RARG: variants seen among roughly 807,000 people sequenced by gnomAD.
The protein encoded by RARG is retinoic acid receptor gamma, also known as RAR-gamma.
RARG carries 17 observed loss-of-function variants against 43.7 expected under a neutral mutation model. The observed-to-expected ratio is 0.39, with a 90% CI of 0.27 to 0.58. The LOEUF (loss-of-function observed/expected upper bound fraction) is 0.58. RARG is among the 20% of genes least tolerant of loss of function. The pLI is 0.57. For missense variants in RARG, 346 were observed against 598.7 expected (o/e 0.58, Z 4.40); for synonymous variants, 238 against 236.4 (o/e 1.01, Z -0.06).
At chr12:53,212,357 CT>C (rs1942614990) in intron 9 of RARG, among the ~76,000 whole-genome samples, 1 of 152,204 alleles carries the variant, frequency 6.6e-6, no homozygotes, top group Admixed American at 6.5e-5. Context: ...ACTACTGCAA[CT>C]GCAGAATGGA....
intron 3 of RARG, among the ~76,000 whole-genome samples, chr12:53,224,668 C>G (rs899500471): frequency 6.6e-6 from 1 of 151,800 alleles, no homozygotes; most frequent in African/African-American, 2.4e-5. Context: ...GTGCTGCATG[C>G]CCCACCCCCA....
At position 53,213,082 on chromosome 12, in the gene RARG, C is replaced by A; in HGVS notation, c.1177+3G>T. The A allele has an allele frequency of 6.2e-7, 1 of 1,609,218 alleles. No homozygotes were observed. The highest frequency in any genetic ancestry group is 1.1e-5 in the South Asian group (1 of 90,346). On this transcript the variant is annotated splice_donor_region_variant and intron_variant, in intron 9 of 9. Coordinates refer to ENST00000425354, the MANE Select transcript of RARG (RefSeq NM_000966.6). The surrounding 1 kb of genome is among the most constrained non-coding windows in gnomAD (Gnocchi z 4.7). Reference sequence around the variant, plus strand: ...AGAGAGGGGACACCCACTCATGACTCACCCTTAGTGCTGATGCCCCGGAGG... The same window carrying A: ...AGAGAGGGGACACCCACTCATGACTAACCCTTAGTGCTGATGCCCCGGAGG...
intron 9 of RARG, 86 bp downstream of exon 9, chr12:53,212,999 G>A: frequency 1.4e-6 from 2 of 1,429,504 alleles, no homozygotes; most frequent in South Asian, 1.4e-5. Flanking sequence ...CAACTACTCT[G>A]TTCTTGTCTC....
rs770232091 is a variant in RARG, at chr12:53,213,176, C to T, written c.1086G>A (p.Arg362=). The change falls in exon 9 of 10, where the codon AGG becomes AGA. Residue 362 remains arginine, a synonymous_variant. Coordinates refer to ENST00000425354, the MANE Select transcript of RARG (RefSeq NM_000966.6). This position sits in a 1 kb window ranked among gnomAD's most constrained non-coding sequence, Gnocchi z 4.7. The stretch of plus-strand genomic sequence containing the variant: ...TGGGCCGCCGGCGCCGGGCGTACAG[C>T]CTCAGGGCTTCCAGCAGTGGCTCCT... ...KLQEPLLEAL[R]LYARRRRPSQ... is the part of the protein sequence containing the mutation. 6.2e-7 allele frequency: 1 copy of T among 1,611,320 alleles called. No individual in the cohort carries two copies. Among genetic ancestry groups the T allele is most frequent in the Non-Finnish European group, 8.5e-7 (1 of 1,177,454 alleles).
chr12:53,215,606 A>AACTGGATCCCCCGTCTGCCC lies in RARG; in HGVS notation c.333+20_333+39dup, dbSNP rs2120629881. The AACTGGATCCCCCGTCTGCCC allele has an allele frequency of 6.3e-7, 1 of 1,597,054 alleles. No individual in the cohort carries two copies. Among genetic ancestry groups the AACTGGATCCCCCGTCTGCCC allele is most frequent in the East Asian group, 2.2e-5 (1 of 44,650 alleles). Reference sequence around the variant, plus strand: ...GCCTGGTCTCTCATCTTACTAGGGTAACTGGATCCCCCGTCTGCCCACTCC... The same window carrying AACTGGATCCCCCGTCTGCCC: ...GCCTGGTCTCTCATCTTACTAGGGTAACTGGATCCCCCGTCTGCCCACTGGATCCCCCGTCTGCCCACTCC... On this transcript the variant is annotated intron_variant, in intron 4 of 9. Coordinates refer to ENST00000425354, the MANE Select transcript of RARG (RefSeq NM_000966.6). The surrounding 1 kb of genome is among the most constrained non-coding windows in gnomAD (Gnocchi z 6.4).
In RARG at chr12:53,211,619, T is replaced by C; in HGVS notation, c.*57A>G. 1 of 1,334,320 alleles carries C rather than the reference T, an allele frequency of 7.5e-7. No homozygotes were observed. The allele number at this position is 1,334,320 out of a possible 1,614,324, so 82.7% of individuals were successfully genotyped here. On this transcript the variant is annotated 3_prime_UTR_variant, in exon 10 of 10. Transcript: ENST00000425354. This position sits in a 1 kb window ranked among gnomAD's most constrained non-coding sequence, Gnocchi z 4.6. ...CCCCAGTCACTGGCGGTCTGGGAGA[T>C]GGTCAGTCTGCTGCCTGAAGCCCCA...
chr12:53,224,072 G>T (rs1857568994), intron 3 of RARG, among the ~76,000 whole-genome samples: 2 of 152,096 alleles, frequency 1.3e-5, no homozygotes, highest in Admixed American at 1.3e-4. Flanking sequence ...GATACATAGG[G>T]ACACAGACAC....
Position 53,227,776 on chromosome 12 carries a change from C to T in RARG, c.-142-89G>A. The T allele has an allele frequency of 2.0e-6, 2 of 977,436 alleles. No homozygotes were observed. The highest frequency in any genetic ancestry group is 2.7e-6 in the Non-Finnish European group (2 of 746,438). The allele number at this position is 977,436 out of a possible 1,614,324, so 60.5% of individuals were successfully genotyped here. A position where few individuals can be genotyped will look rare whatever the true frequency, so the allele number is the denominator to read the frequency against. ...GACCCTCTCTCAGTTGCAGTCTTCT[C>T]CCTCTGTGCTGCTACAGTTTATCCT... On this transcript the variant is annotated intron_variant, in intron 2 of 9. Transcript: ENST00000425354. This position sits in a 1 kb window ranked among gnomAD's most constrained non-coding sequence, Gnocchi z 4.3.
intron 3 of RARG, chr12:53,220,457 T>G (rs1209913045): frequency 3.2e-5 from 22 of 693,158 alleles, no homozygotes; most frequent in East Asian, 7.5e-5. Flanking sequence ...AAGCTGAGAG[T>G]GGAGCGCACA....
intron 3 of RARG, among the ~76,000 whole-genome samples, chr12:53,218,930 C>T (rs1942861330): frequency 1.3e-5 from 2 of 151,938 alleles, no homozygotes; most frequent in South Asian, 2.1e-4. Context: ...CGCTCCTGGC[C>T]CCTCCCCACA....
chr12:53,218,832 G>A (rs1942855842), intron 3 of RARG, among the ~76,000 whole-genome samples: 2 of 148,342 alleles, frequency 1.3e-5, no homozygotes, highest in South Asian at 4.2e-4. Flanking sequence ...TTCCCAGCGT[G>A]CCCCCAAGCC....
chr12:53,214,083 G>C lies in RARG; in HGVS notation c.789C>G (p.Leu263=). The C allele has an allele frequency of 6.2e-7, 1 of 1,613,804 alleles. No individual in the cohort carries two copies. The highest frequency in any genetic ancestry group is 8.5e-7 in the Non-Finnish European group (1 of 1,179,932). The change falls in exon 7 of 10, where the codon CTC becomes CTG. Residue 263 remains leucine (L), a synonymous_variant. Transcript: ENST00000425354. Reference sequence around the variant, plus strand: ...CCAGGATATCTAGGCAGGCAGCTTTGAGCAGAGTGATCTGGTCAGCAATGC... The same window carrying C: ...CCAGGATATCTAGGCAGGCAGCTTTCAGCAGAGTGATCTGGTCAGCAATGC... ...GLSIADQITL[L]KAACLDILML... is the part of the protein sequence containing the mutation.
In RARG at chr12:53,215,685, A is replaced by T. The variant is rs913926898; in HGVS notation, c.294T>A (p.Ser98=). The T allele has an allele frequency of 3.7e-6, 6 of 1,613,908 alleles. No individual in the cohort carries two copies. In the Admixed American group the frequency reaches 5.0e-5, roughly 13 times the overall value. ...AAGAGCTGACCCCATAGTGGTAGCC[A>T]GAGGACTTGTCATTGCACACGAAGC... ...KPCFVCNDKS[S]GYHYGVSSCE... The change falls in exon 4 of 10, where the codon TCT becomes TCA. Residue 98 remains serine (S), a synonymous_variant. Transcript: ENST00000425354. This position sits in a 1 kb window ranked among gnomAD's most constrained non-coding sequence, Gnocchi z 6.4.
At position 53,230,932 on chromosome 12, in the gene RARG, C is replaced by T. The variant is rs191854804; in HGVS notation, c.-143+237G>A. On this transcript the variant is annotated intron_variant, in intron 2 of 9. Coordinates refer to ENST00000425354, the MANE Select transcript of RARG (RefSeq NM_000966.6). ...AGCTCCAGGCTCCCTGCACACACTA[C>T]CCCCACTCCCCTGTCTTCTCTCTAC... 4.6e-3 allele frequency among the ~76,000 whole-genome samples: 700 copies of T among 151,960 alleles called. 1 individual carries two copies. The highest frequency in any genetic ancestry group is 9.1e-3 in the South Asian group (44 of 4,816).
intron 2 of RARG, chr12:53,230,121 A>G: frequency 2.7e-6 from 1 of 364,348 alleles, no homozygotes; most frequent in Non-Finnish European, 3.8e-6. Flanking sequence ...AAGGCAGTGC[A>G]GAGTAAAAGG....
chr12:53,211,870 T>C lies in RARG; in HGVS notation c.1178-7A>G, dbSNP rs1159360957. On this transcript the variant is annotated splice_polypyrimidine_tract_variant and splice_region_variant and intron_variant, in intron 9 of 9. Coordinates refer to ENST00000425354, the MANE Select transcript of RARG (RefSeq NM_000966.6). The surrounding 1 kb of genome is among the most constrained non-coding windows in gnomAD (Gnocchi z 4.6). Reference sequence around the variant, plus strand: ...GTAATGGCCCTTTCAGCTCCTACAATGGAGAGAGAAAGAGAGAGGCTCAGG... The same window carrying C: ...GTAATGGCCCTTTCAGCTCCTACAACGGAGAGAGAAAGAGAGAGGCTCAGG... The C allele has an allele frequency of 1.4e-6, 2 of 1,431,446 alleles. No individual in the cohort carries two copies. Among genetic ancestry groups the C allele is most frequent in the Non-Finnish European group, 1.9e-6 (2 of 1,077,472 alleles). The allele number at this position is 1,431,446 out of a possible 1,614,324, so 88.7% of individuals were successfully genotyped here. A position where few individuals can be genotyped will look rare whatever the true frequency, so the allele number is the denominator to read the frequency against.
chr12:53,221,631 G>A (rs1565726996), intron 3 of RARG, among the ~76,000 whole-genome samples: 1 of 152,196 alleles, frequency 6.6e-6, no homozygotes, highest in Admixed American at 6.5e-5. Context: ...TGAGGTGGGC[G>A]GGGGGCTGGC....
rs1468338193 is a variant in RARG at position 53,213,776 on chromosome 12, G to A, written c.814-76C>T. On this transcript the variant is annotated intron_variant, in intron 7 of 9. Coordinates refer to ENST00000425354, the MANE Select transcript of RARG (RefSeq NM_000966.6). This position sits in a 1 kb window ranked among gnomAD's most constrained non-coding sequence, Gnocchi z 4.7. ...AAAGAGGGAATGAGTGGAAAGTGAG[G>A]AGGTTAGGTCCCCAGTGAGTGCAAC... 15 of 1,437,642 alleles carry A rather than the reference G, an allele frequency of 1.0e-5. No individual in the cohort carries two copies. In the East Asian group the frequency reaches 3.0e-4, roughly 29 times the overall value. The allele number at this position is 1,437,642 out of a possible 1,614,324, so 89.1% of individuals were successfully genotyped here. A position where few individuals can be genotyped will look rare whatever the true frequency, so the allele number is the denominator to read the frequency against.
At chr12:53,228,327 G>T (rs148978380) in intron 2 of RARG, among the ~76,000 whole-genome samples, 211 of 152,268 alleles carry the variant, frequency 1.4e-3, no homozygotes, top group African/African-American at 4.8e-3. Context: ...CGTCACTTGG[G>T]ACTAATAATA....
Sources: gnomAD v4.1 joint callset for allele counts (sites outside exome capture counted in the v4.1 genomes callset) on GRCh38, gnomAD v4.1.1 for gene constraint, Gnocchi (gnomAD v3.1) non-coding constraint, MANE v1.5 for transcripts, NCBI Gene and HGNC (gene_info 2026-07-23, HGNC 2026-07-21) for gene names.